FBXL13: variants seen among roughly 807,000 people sequenced by gnomAD.
The protein encoded by FBXL13 is F-box and leucine-rich repeat protein 13.
FBXL13 carries 67 observed loss-of-function variants against 83.6 expected under a neutral mutation model. The observed-to-expected ratio is 0.80, with a 90% CI of 0.66 to 0.98. FBXL13 has a LOEUF of 0.98. Ranked by LOEUF, FBXL13 falls within the 50% of genes least tolerant of loss-of-function variation. FBXL13 has a pLI of 0.00. For synonymous variants in FBXL13, 272 were observed against 299.5 expected, an observed-to-expected ratio of 0.91 and a Z score of 0.95; for missense variants, 822 against 866.5, an observed-to-expected ratio of 0.95 and a Z score of 0.64.
At chr7:102,956,354 C>T (rs1156806940) in intron 8 of FBXL13, among the ~76,000 whole-genome samples, 1 of 152,136 alleles carries the variant, frequency 6.6e-6, no homozygotes, top group Non-Finnish European at 1.5e-5. Context: ...TAAAAACTCT[C>T]AATAAACTAG....
At chr7:103,049,317 C>A (rs1796586230) in intron 2 of FBXL13, among the ~76,000 whole-genome samples, 1 of 152,258 alleles carries the variant, frequency 6.6e-6, no homozygotes, top group East Asian at 1.9e-4. Context: ...TAATATCTGA[C>A]CTGCATAATT....
Position 102,938,076 on chromosome 7 carries a change from T to G in FBXL13, c.725-6143A>C, listed in dbSNP as rs566268809. On this transcript the variant is annotated intron_variant, in intron 8 of 19. Coordinates refer to ENST00000313221, the Ensembl canonical transcript of FBXL13. The stretch of plus-strand genomic sequence containing the variant: ...CTTTATTCACTGAGAAACAGGTACT[T>G]TGCCAAGAAATCCTAGTGTTTCAAA... Among the ~76,000 whole-genome samples, 8 of 152,342 alleles carry G rather than the reference T, an allele frequency of 5.3e-5. No homozygotes were observed. The East Asian group carries it at 1.5e-3, about 29-fold the overall frequency.
At chr7:102,821,322 C>T (rs912173730) in intron 19 of FBXL13, among the ~76,000 whole-genome samples, 1 of 152,114 alleles carries the variant, frequency 6.6e-6, no homozygotes. Context: ...AGGCCTGGGC[C>T]CAGTGGGAAT....
At chr7:103,034,584 C>T (rs562192817) in intron 2 of FBXL13, among the ~76,000 whole-genome samples, 215 of 152,348 alleles carry the variant, frequency 1.4e-3, no homozygotes, top group African/African-American at 4.9e-3. Context: ...CACGCCTTTC[C>T]CTCCACACCT....
At chr7:102,944,174 AATTACTCAGG>A in intron 8 of FBXL13, 1 of 1,551,790 alleles carries the variant, frequency 6.4e-7, no homozygotes, top group African/African-American at 1.4e-5. Flanking sequence ...GTATTAACTC[AATTACTCAGG>A]CTCAATAAAT....
rs180803090 is a variant in FBXL13 at position 102,971,745 on chromosome 7, G to A, written c.496-3628C>T. On this transcript the variant is annotated intron_variant, in intron 6 of 19. Transcript: ENST00000313221. ...AGACTCTGTCTCTAAAAAATTTAAG[G>A]CCAGGCACAGTGGCTCATGCCCGTA... 8.7e-3 allele frequency among the ~76,000 whole-genome samples: 1,320 copies of A among 152,144 alleles called. 15 individuals are homozygous for A. The highest frequency in any genetic ancestry group is 0.011 in the Non-Finnish European group (726 of 67,986).
intron 10 of FBXL13, among the ~76,000 whole-genome samples, chr7:102,915,793 T>A (rs1815735148): frequency 6.6e-6 from 1 of 152,160 alleles, no homozygotes; most frequent in African/African-American, 2.4e-5. Flanking sequence ...TTAAGTAAGA[T>A]TTTGTGGCAG....
exon 11 of FBXL13, chr7:102,913,099 G>A (rs760443562): frequency 1.7e-5 from 27 of 1,614,082 alleles, no homozygotes; most frequent in Admixed American, 1.5e-4. Flanking sequence ...GGTGCAGCCA[G>A]AGAGGTCCAG....
At chr7:102,996,396 T>G (rs1014756795) in intron 6 of FBXL13, among the ~76,000 whole-genome samples, 1 of 152,238 alleles carries the variant, frequency 6.6e-6, no homozygotes, top group Non-Finnish European at 1.5e-5. Flanking sequence ...AATGACTTAT[T>G]AAACACTTGC....
chr7:102,951,923 A>G (rs191829039), intron 8 of FBXL13, among the ~76,000 whole-genome samples: 11 of 152,320 alleles, frequency 7.2e-5, no homozygotes, highest in Admixed American at 3.9e-4. Flanking sequence ...ATTATTCACA[A>G]TACCTAAAAG....
At chr7:102,933,739 C>A in intron 8 of FBXL13, 1 of 589,536 alleles carries the variant, frequency 1.7e-6, no homozygotes, top group Non-Finnish European at 2.9e-6. Flanking sequence ...TTGCAATGGG[C>A]CTTAATTTTT....
At chr7:103,018,712 A>G (rs1252602030) in intron 6 of FBXL13, among the ~76,000 whole-genome samples, 1 of 152,238 alleles carries the variant, frequency 6.6e-6, no homozygotes, top group Non-Finnish European at 1.5e-5. Flanking sequence ...ACCAACGAAG[A>G]TCAAAAGAGA....
intron 16 of FBXL13, among the ~76,000 whole-genome samples, chr7:102,861,148 T>C (rs1350984975): frequency 1.3e-5 from 2 of 152,206 alleles, no homozygotes; most frequent in African/African-American, 4.8e-5. Flanking sequence ...ATTATGCATA[T>C]ATAGTATAGA....
At chr7:102,876,042 A>AG (rs1460308426) in intron 16 of FBXL13, among the ~76,000 whole-genome samples, 1 of 152,162 alleles carries the variant, frequency 6.6e-6, no homozygotes, top group African/African-American at 2.4e-5. Flanking sequence ...TAGCAGAGCA[A>AG]GGGGAGGGTG....
intron 11 of FBXL13, among the ~76,000 whole-genome samples, chr7:102,892,969 T>G (rs1811725803): frequency 6.6e-6 from 1 of 152,218 alleles, no homozygotes; most frequent in Non-Finnish European, 1.5e-5. Flanking sequence ...CCCTTTATTA[T>G]TCCATACAAT....
intron 16 of FBXL13, among the ~76,000 whole-genome samples, chr7:102,862,908 A>C (rs1022839857): frequency 6.6e-6 from 1 of 152,150 alleles, no homozygotes; most frequent in Non-Finnish European, 1.5e-5. Context: ...TGGAGCTTGG[A>C]ACTTGACCTT....
At chr7:103,042,004 G>T (rs1287319713) in intron 2 of FBXL13, among the ~76,000 whole-genome samples, 1 of 152,148 alleles carries the variant, frequency 6.6e-6, no homozygotes, top group East Asian at 1.9e-4. Flanking sequence ...GACATAAAGG[G>T]TATTCAATTA....
intron 10 of FBXL13, among the ~76,000 whole-genome samples, chr7:102,915,963 A>G (rs1720897177): frequency 6.6e-6 from 1 of 152,056 alleles, no homozygotes. Flanking sequence ...TACAGTTAAT[A>G]AAAGTAGAGA....
intron 2 of FBXL13, among the ~76,000 whole-genome samples, chr7:103,034,481 G>A (rs921185177): frequency 6.6e-6 from 1 of 152,210 alleles, no homozygotes; most frequent in Non-Finnish European, 1.5e-5. Flanking sequence ...CAGTGGGGCC[G>A]GCTGGCCGCT....
Sources: allele counts gnomAD v4.1 joint callset (sites outside exome capture counted in the v4.1 genomes callset), GRCh38; gene constraint gnomAD v4.1.1; transcripts MANE v1.5; gene names NCBI Gene and HGNC (gene_info 2026-07-23, HGNC 2026-07-21).